The following PCDHA12 variants were observed in gnomAD, a reference collection of about 807,000 sequenced individuals.
PCDHA12 encodes protocadherin alpha-12.
A neutral mutation model predicts 60.0 loss-of-function variants in PCDHA12; 44 were observed. The observed-to-expected ratio is 0.73, with a 90% CI of 0.58 to 0.94. PCDHA12 has a LOEUF of 0.94. Among genes scored for constraint, PCDHA12 ranks in the 40% least tolerant of loss-of-function variants. The probability of loss-of-function intolerance (pLI) is 0.00; values close to 1 mark genes in which losing one functional copy is unlikely to be tolerated. For missense variants in PCDHA12, 1,276 were observed against 1,239.7 expected (o/e 1.03, Z -0.44); for synonymous variants, 569 against 553.0 (o/e 1.03, Z -0.40).
In PCDHA12 at chr5:140,968,167, A is replaced by G. The variant is rs782252124; in HGVS notation, c.2368-10782A>G. 1.3e-4 allele frequency: 217 copies of G among 1,613,958 alleles called. 1 individual carries two copies. The highest frequency in any genetic ancestry group is 9.3e-6 in the Non-Finnish European group (11 of 1,180,038). On this transcript the variant is annotated intron_variant, in intron 1 of 3. Transcript: ENST00000398631. ...TCTCTGACATCAATGACAATCCACC[A>G]AGCTTCCTGGAGGACTCCTATTCCA...
intron 1 of PCDHA12, among the ~76,000 whole-genome samples, chr5:140,960,813 A>C (rs1356756058): frequency 6.6e-6 from 1 of 152,202 alleles, no homozygotes; most frequent in Non-Finnish European, 1.5e-5. Context: ...AGAGGTCCCA[A>C]GTGATGAATG....
intron 1 of PCDHA12, among the ~76,000 whole-genome samples, chr5:140,912,600 T>C (rs2075993093): frequency 6.6e-6 from 1 of 152,156 alleles, no homozygotes; most frequent in African/African-American, 2.4e-5. Context: ...CTTTATTTCT[T>C]CCTCTTGTCT....
intron 1 of PCDHA12, chr5:140,883,616 G>C: frequency 6.2e-7 from 1 of 1,614,014 alleles, no homozygotes; most frequent in Non-Finnish European, 8.5e-7. Flanking sequence ...CGACGTGAAC[G>C]ACAACGCGCC....
intron 1 of PCDHA12, chr5:140,883,107 C>T: frequency 6.2e-7 from 1 of 1,614,064 alleles, no homozygotes. Context: ...ATAGTTTACT[C>T]ATTTAGAAGG....
rs1259591783 is a variant in PCDHA12, at chr5:141,009,842, G to C, written c.2731G>C (p.Glu911Gln). 1.2e-6 allele frequency: 2 copies of C among 1,613,960 alleles called. No individual in the cohort carries two copies. The highest frequency in any genetic ancestry group is 1.7e-6 in the Non-Finnish European group (2 of 1,180,014). ...TGACTTCATAACCTTCGGCAAAAAG[G>C]AGGAGACCAAGAAAAAGAAGAAAAA... ...KSDFITFGKKEETKKKKKKKK... is the reference protein window; with the variant it reads ...KSDFITFGKKQETKKKKKKKK... The change falls in exon 4 of 4, where the codon GAG becomes CAG. Residue 911 changes from glutamate (E) to glutamine (Q), a missense_variant. Coordinates refer to ENST00000398631, the MANE Select transcript of PCDHA12 (RefSeq NM_018903.4).
At position 140,876,037 on chromosome 5, in the gene PCDHA12, A is replaced by G. The variant is rs1554168212; in HGVS notation, c.565A>G (p.Ser189Gly). Residue 189 changes from serine (S) to glycine (G), a missense_variant, in exon 1 of 4, where the codon AGT (serine) becomes GGT (glycine). By Grantham distance (56) the Ser-to-Gly change is moderately conservative. Transcript: ENST00000398631. Reference protein sequence around the residue: ...ELKIKTKKDKSILPELVLRKL... With the variant: ...ELKIKTKKDKGILPELVLRKL... ...TAAAATAAAAACAAAAAAAGATAAA[A>G]GTATATTGCCTGAATTAGTTCTTCG... is the stretch of plus-strand genomic sequence containing the variant. 1.9e-6 allele frequency: 3 copies of G among 1,613,766 alleles called. No homozygotes were observed. Among genetic ancestry groups the G allele is most frequent in the South Asian group, 2.2e-5 (2 of 91,050 alleles).
intron 1 of PCDHA12, among the ~76,000 whole-genome samples, chr5:140,952,079 C>A (rs2094682960): frequency 6.6e-6 from 1 of 152,162 alleles, no homozygotes; most frequent in South Asian, 2.1e-4. Flanking sequence ...TTCATTGACT[C>A]CATGTCTCAC....
At chr5:140,890,890 T>C (rs2062844225) in intron 1 of PCDHA12, among the ~76,000 whole-genome samples, 1 of 152,192 alleles carries the variant, frequency 6.6e-6, no homozygotes, top group South Asian at 2.1e-4. Context: ...TCAGGGATTA[T>C]TGTCTTTCCA....
chr5:140,883,377 C>T lies in PCDHA12; in HGVS notation c.2367+5538C>T, dbSNP rs1436655611. On this transcript the variant is annotated intron_variant, in intron 1 of 3. Coordinates refer to ENST00000398631, the MANE Select transcript of PCDHA12 (RefSeq NM_018903.4). ...GACACTCAGCCTAGCGCCATTATTG[C>T]CCTAATCAGTGTGTCCGATCGTGAC... The T allele has an allele frequency of 1.5e-5, 25 of 1,614,054 alleles. No individual in the cohort carries two copies. Among genetic ancestry groups the T allele is most frequent in the Non-Finnish European group, 2.0e-5 (24 of 1,180,036 alleles).
intron 1 of PCDHA12, chr5:140,928,022 G>A: frequency 6.2e-7 from 1 of 1,614,200 alleles, no homozygotes; most frequent in Non-Finnish European, 8.5e-7. Flanking sequence ...AGGGTCATTT[G>A]TGGCATGTCT....
chr5:140,918,625 C>T (rs1365715302), intron 1 of PCDHA12, among the ~76,000 whole-genome samples: 2 of 152,086 alleles, frequency 1.3e-5, no homozygotes, highest in Non-Finnish European at 2.9e-5. Context: ...TTTGTGTTCC[C>T]CAAATTCATA....
rs376556447 is a variant in PCDHA12 at position 140,885,103 on chromosome 5, CT to C, written c.2367+7271del. On this transcript the variant is annotated intron_variant, in intron 1 of 3. Transcript: ENST00000398631. The stretch of plus-strand genomic sequence containing the variant: ...AGCCCCATAACTTTTCACATAAATG[CT>C]TTTTTTAAGTGCACTTTTCTTTCTT... Among the ~76,000 whole-genome samples the C allele has an allele frequency of 4.5e-3, 686 of 152,136 alleles. 2 individuals are homozygous for C. Among genetic ancestry groups the C allele is most frequent in the African/African-American group, 0.016 (664 of 41,518 alleles).
intron 1 of PCDHA12, among the ~76,000 whole-genome samples, chr5:140,893,163 T>C (rs557235731): frequency 6.6e-6 from 1 of 152,354 alleles, no homozygotes; most frequent in African/African-American, 2.4e-5. Flanking sequence ...GATATTGAGG[T>C]TGATTCCACA....
intron 3 of PCDHA12, among the ~76,000 whole-genome samples, chr5:140,991,953 G>A (rs545142966): frequency 3.9e-5 from 6 of 152,110 alleles, no homozygotes; most frequent in Non-Finnish European, 8.8e-5. Context: ...TTAGAATGCA[G>A]TCATTTTGGT....
intron 1 of PCDHA12, among the ~76,000 whole-genome samples, chr5:140,897,045 C>T (rs1362151452): frequency 3.3e-5 from 5 of 152,090 alleles, no homozygotes; most frequent in African/African-American, 9.7e-5. Context: ...TCACCCTATT[C>T]TGCTGTCAAA....
At chr5:140,980,152 C>T (rs1554241475) in intron 2 of PCDHA12, among the ~76,000 whole-genome samples, 1 of 152,040 alleles carries the variant, frequency 6.6e-6, no homozygotes, top group Admixed American at 6.6e-5. Flanking sequence ...CATGCATATA[C>T]CAGAATATTA....
At chr5:140,946,588 A>G (rs2093966025) in intron 1 of PCDHA12, among the ~76,000 whole-genome samples, 1 of 147,134 alleles carries the variant, frequency 6.8e-6, no homozygotes, top group South Asian at 2.1e-4. Context: ...TTCATAGTGG[A>G]TGAATAGATA....
intron 1 of PCDHA12, among the ~76,000 whole-genome samples, chr5:140,894,318 T>C (rs1403062288): frequency 1.3e-5 from 2 of 152,086 alleles, no homozygotes; most frequent in Non-Finnish European, 2.9e-5. Context: ...TCTTAAATTA[T>C]AGATTTTAGT....
intron 1 of PCDHA12, chr5:140,928,441 C>A: frequency 4.3e-6 from 7 of 1,614,140 alleles, no homozygotes; most frequent in Non-Finnish European, 5.9e-6. Context: ...TGACTTTGAG[C>A]AGCTCAGGGG....
Sources: gnomAD v4.1 joint callset for allele counts (sites outside exome capture counted in the v4.1 genomes callset) on GRCh38, gnomAD v4.1.1 for gene constraint, MANE v1.5 for transcripts, NCBI Gene and HGNC (gene_info 2026-07-23, HGNC 2026-07-21) for gene names.